Variants in RAB30 observed in about 807,000 individuals in gnomAD.
RAB30 encodes the protein ras-related protein Rab-30.
RAB30 carries 9 observed loss-of-function variants against 25.1 expected under a neutral mutation model. The observed-to-expected ratio is 0.36, with a 90% confidence interval of 0.22 to 0.63. The LOEUF is 0.63. Among genes scored for constraint, RAB30 ranks in the 20% least tolerant of loss-of-function variants. The probability of loss-of-function intolerance (pLI) is 0.69; values close to 1 mark genes in which losing one functional copy is unlikely to be tolerated. For missense variants in RAB30, 140 were observed against 243.5 expected (o/e 0.58, Z 2.83); for synonymous variants, 77 against 86.4 (o/e 0.89, Z 0.60).
At chr11:83,027,928 T>G (rs990237730) in intron 1 of RAB30, among the ~76,000 whole-genome samples, 6 of 152,194 alleles carry the variant, frequency 3.9e-5, no homozygotes, top group Admixed American at 2.6e-4. Context: ...AGTGACTTCT[T>G]TCACTTAGCA....
At chr11:83,045,737 G>A (rs563757988) in intron 1 of RAB30, among the ~76,000 whole-genome samples, 107 of 152,244 alleles carry the variant, frequency 7.0e-4, no homozygotes, top group Non-Finnish European at 1.2e-3. Flanking sequence ...CTGAGATTAC[G>A]TATATGACTA....
chr11:83,064,896 T>A (rs1466136126), intron 1 of RAB30, among the ~76,000 whole-genome samples: 1 of 152,146 alleles, frequency 6.6e-6, no homozygotes, highest in African/African-American at 2.4e-5. Flanking sequence ...CTTTTTTTTT[T>A]AAGTCCAGGA....
At chr11:82,984,689 A>G (rs1856706529) in intron 4 of RAB30, among the ~76,000 whole-genome samples, 1 of 152,348 alleles carries the variant, frequency 6.6e-6, no homozygotes, top group African/African-American at 2.4e-5. Flanking sequence ...CCTAAAAACA[A>G]TGGCCCATCA....
At chr11:83,001,386 C>G (rs1199313247) in intron 1 of RAB30, among the ~76,000 whole-genome samples, 1 of 152,056 alleles carries the variant, frequency 6.6e-6, no homozygotes, top group Non-Finnish European at 1.5e-5. Context: ...ACTATGTTAC[C>G]CAGGGCTTGT....
intron 1 of RAB30, among the ~76,000 whole-genome samples, chr11:83,046,731 G>A (rs1858242523): frequency 6.6e-6 from 1 of 152,134 alleles, no homozygotes; most frequent in South Asian, 2.1e-4. Flanking sequence ...CTGGCGTCAA[G>A]TGAACCTCCC....
At chr11:83,063,771 C>G (rs571876334) in intron 1 of RAB30, among the ~76,000 whole-genome samples, 3 of 152,310 alleles carry the variant, frequency 2.0e-5, no homozygotes, top group Non-Finnish European at 4.4e-5. Flanking sequence ...TTGGACTCAG[C>G]ATTTCTGCCC....
At chr11:83,046,018 A>T (rs1858225593) in intron 1 of RAB30, among the ~76,000 whole-genome samples, 1 of 152,230 alleles carries the variant, frequency 6.6e-6, no homozygotes, top group South Asian at 2.1e-4. Flanking sequence ...TCTCAATGAC[A>T]CTGCTCAGAT....
At chr11:83,052,457 C>T (rs535438873) in intron 1 of RAB30, among the ~76,000 whole-genome samples, 1 of 152,294 alleles carries the variant, frequency 6.6e-6, no homozygotes, top group East Asian at 1.9e-4. Context: ...GGAGACTTTT[C>T]CCCACTGCCA....
chr11:82,982,765 G>A (rs889495829), intron 4 of RAB30, among the ~76,000 whole-genome samples: 1 of 152,162 alleles, frequency 6.6e-6, no homozygotes, highest in Non-Finnish European at 1.5e-5. Flanking sequence ...GGGAGGCTGA[G>A]GCAGAAGAAT....
At chr11:83,063,076 C>T (rs1429393041) in intron 1 of RAB30, among the ~76,000 whole-genome samples, 2 of 151,834 alleles carry the variant, frequency 1.3e-5, no homozygotes, top group African/African-American at 4.8e-5. Context: ...CACCCAGCCA[C>T]AGTGGCTAAA....
intron 4 of RAB30, 105 bp from the exon 5 acceptor site, chr11:82,982,520 C>T (rs181598374): frequency 1.2e-4 from 145 of 1,213,030 alleles, no homozygotes; most frequent in Non-Finnish European, 1.5e-4. Flanking sequence ...GACAGATGGG[C>T]GAGTAAAACA....
At chr11:83,000,314 A>G (rs1857050427) in intron 1 of RAB30, among the ~76,000 whole-genome samples, 1 of 152,250 alleles carries the variant, frequency 6.6e-6, no homozygotes, top group Non-Finnish European at 1.5e-5. Context: ...CAAGCACTTA[A>G]TCAATGTGAT....
chr11:83,024,320 C>T (rs1460072162), intron 1 of RAB30, among the ~76,000 whole-genome samples: 1 of 152,200 alleles, frequency 6.6e-6, no homozygotes, highest in African/African-American at 2.4e-5. Context: ...AGCAAGGACA[C>T]AGCGAGCAAG....
intron 3 of RAB30, 48 bp from the exon 4 acceptor site, chr11:82,987,818 GAAAAAAAGAA>G: frequency 1.8e-6 from 2 of 1,119,978 alleles, no homozygotes; most frequent in Non-Finnish European, 2.3e-6. Context: ...TCAGGTTGGA[GAAAAAAAGAA>G]AAAAAAAGCT....
chr11:83,049,836 G>C (rs1385366606), intron 1 of RAB30, among the ~76,000 whole-genome samples: 1 of 152,150 alleles, frequency 6.6e-6, no homozygotes, highest in African/African-American at 2.4e-5. Context: ...TATCCAAAGA[G>C]ACTATTACTC....
chr11:82,986,443 C>T (rs1856740025), intron 4 of RAB30, among the ~76,000 whole-genome samples: 1 of 152,214 alleles, frequency 6.6e-6, no homozygotes, highest in African/African-American at 2.4e-5. Flanking sequence ...TAGATAAAAT[C>T]CCAAGTAGTA....
chr11:82,989,022 A>G (rs1302654354), intron 3 of RAB30, among the ~76,000 whole-genome samples: 1 of 152,102 alleles, frequency 6.6e-6, no homozygotes, highest in African/African-American at 2.4e-5. Context: ...TGAAAGCTTC[A>G]TGAGGGAGAC....
rs1856629589 is a variant in RAB30 at position 82,981,067 on chromosome 11, T to A, written c.*1098A>T. On this transcript the variant is annotated 3_prime_UTR_variant, in exon 5 of 5. Coordinates refer to ENST00000527633, the MANE Select transcript of RAB30 (RefSeq NM_001286060.2). Reference sequence around the variant, plus strand: ...CTGTTGCTATTCTCACTTATCATACTAAAAAATCTACAAAATCCTAAGCCT... The same window carrying A: ...CTGTTGCTATTCTCACTTATCATACAAAAAAATCTACAAAATCCTAAGCCT... 1 of 152,178 alleles carries A rather than the reference T, an allele frequency of 6.6e-6. No individual in the cohort carries two copies. The highest frequency in any genetic ancestry group is 1.5e-5 in the Non-Finnish European group (1 of 68,032). The allele number at this position is 152,178 out of a possible 1,614,324, so 9.4% of individuals were successfully genotyped here. A position where few individuals can be genotyped will look rare whatever the true frequency, so the allele number is the denominator to read the frequency against.
chr11:83,046,245 T>C (rs887729537), intron 1 of RAB30, among the ~76,000 whole-genome samples: 4 of 152,196 alleles, frequency 2.6e-5, no homozygotes, highest in African/African-American at 9.6e-5. Flanking sequence ...AAAATTAAGA[T>C]TCATACTTCC....
Sources: gnomAD v4.1 joint callset for allele counts (sites outside exome capture counted in the v4.1 genomes callset) on GRCh38, gnomAD v4.1.1 for gene constraint, MANE v1.5 for transcripts, NCBI Gene and HGNC (gene_info 2026-07-23, HGNC 2026-07-21) for gene names.